The following FGF14 variants were observed in gnomAD, a reference collection of about 807,000 sequenced individuals.
The protein encoded by FGF14 is fibroblast growth factor 14.
FGF14 carries 5 observed loss-of-function variants against 25.5 expected under a neutral mutation model. That is an observed-to-expected ratio of 0.20 (90% CI 0.10 to 0.41). The LOEUF (loss-of-function observed/expected upper bound fraction) is 0.41. FGF14 is among the 10% of genes least tolerant of loss of function. FGF14 has a pLI of 1.00. For missense variants in FGF14, 222 were observed against 320.1 expected, an observed-to-expected ratio of 0.69 and a Z score of 2.34; for synonymous variants, 138 against 118.3, an observed-to-expected ratio of 1.17 and a Z score of -1.08.
At chr13:101,918,318 T>C (rs971033968), upstream of FGF14, among the ~76,000 whole-genome samples, 1 of 152,214 alleles carries the variant, frequency 6.6e-6, no homozygotes, top group Non-Finnish European at 1.5e-5. Flanking sequence ...GGCTCCGGGC[T>C]TCTTACTTTT....
chr13:102,052,898 T>A (rs980148503), intron 1 of FGF14, among the ~76,000 whole-genome samples: 1 of 152,136 alleles, frequency 6.6e-6, no homozygotes, highest in Non-Finnish European at 1.5e-5. Flanking sequence ...ACTGTAATAG[T>A]GGTGTGTACA....
At chr13:101,753,174 T>C (rs2037403429) in intron 3 of FGF14, among the ~76,000 whole-genome samples, 1 of 152,078 alleles carries the variant, frequency 6.6e-6, no homozygotes, top group Non-Finnish European at 1.5e-5. Context: ...TTTAAATATA[T>C]AAGTGATATA....
chr13:102,249,549 G>GGTGTGTGTGTGTGTGTGT (rs55773652), intron 1 of FGF14, among the ~76,000 whole-genome samples: 3 of 150,296 alleles, frequency 2.0e-5, no homozygotes, highest in African/African-American at 7.3e-5. Flanking sequence ...TACTGAGAGG[G>GGTGTGTGTGTGTGTGTGT]GTGTGTGTGT....
chr13:102,140,658 A>C (rs2046608835), intron 1 of FGF14, among the ~76,000 whole-genome samples: 1 of 152,216 alleles, frequency 6.6e-6, no homozygotes, highest in Non-Finnish European at 1.5e-5. Context: ...ATAAAGTAGC[A>C]GAACCTGAAC....
intron 1 of FGF14, among the ~76,000 whole-genome samples, chr13:102,136,895 G>A (rs1254857451): frequency 6.6e-6 from 1 of 152,130 alleles, no homozygotes; most frequent in Non-Finnish European, 1.5e-5. Context: ...TCCCATACTT[G>A]GCTAATGGAC....
At chr13:101,812,649 A>ATT (rs1566931730) in intron 3 of FGF14, among the ~76,000 whole-genome samples, 11 of 8,440 alleles carry the variant, frequency 1.3e-3, no homozygotes, top group Non-Finnish European at 1.8e-3. Flanking sequence ...ATATATATAT[A>ATT]TATATTTTTT....
At position 102,300,083 on chromosome 13, in the gene FGF14, G is replaced by A. The variant is rs558326418; in HGVS notation, c.208+101388C>T. The A allele has an allele frequency of 3.3e-5, 5 of 152,188 alleles. No homozygotes were observed. The Middle Eastern group carries it at 0.017, about 518-fold the overall frequency. The allele number at this position is 152,188 out of a possible 1,614,324, so 9.4% of individuals were successfully genotyped here. ...GTTTTAAAATACACTTCTAGTTTCTGCTACATTCTCATATAATTTAAAATC... is the reference window on the plus strand; with the variant it reads ...GTTTTAAAATACACTTCTAGTTTCTACTACATTCTCATATAATTTAAAATC... On this transcript the variant is annotated intron_variant, in intron 1 of 4. Transcript: ENST00000376131.
At chr13:101,740,654 G>A (rs2036489152) in intron 3 of FGF14, among the ~76,000 whole-genome samples, 1 of 151,404 alleles carries the variant, frequency 6.6e-6, no homozygotes, top group African/African-American at 2.4e-5. Flanking sequence ...TTGCAGTTTT[G>A]TATTCTTGGG....
intron 2 of FGF14, among the ~76,000 whole-genome samples, chr13:101,869,799 C>A (rs959221355): frequency 6.6e-6 from 1 of 152,116 alleles, no homozygotes; most frequent in African/African-American, 2.4e-5. Context: ...TTGCACAAAA[C>A]CAAGTCATTT....
chr13:102,253,182 C>T (rs749864776), intron 1 of FGF14, among the ~76,000 whole-genome samples: 17 of 152,142 alleles, frequency 1.1e-4, no homozygotes, highest in Non-Finnish European at 2.1e-4. Context: ...TGGGTATATA[C>T]GCAGTAATGG....
chr13:101,714,790 C>A lies in FGF14; in HGVS notation c.*8041G>T. 2.0e-6 allele frequency: 1 copy of A among 510,552 alleles called. No individual in the cohort carries two copies. The allele number at this position is 510,552 out of a possible 1,614,324, so 31.6% of individuals were successfully genotyped here. A position where few individuals can be genotyped will look rare whatever the true frequency, so the allele number is the denominator to read the frequency against. On this transcript the variant is annotated 3_prime_UTR_variant, in exon 5 of 5. Coordinates refer to ENST00000376143, the MANE Select transcript of FGF14 (RefSeq NM_004115.4). ...TTTGTGATTATTTGGGATCCTTCCA[C>A]AAAGTAACCTCCCCACCCTCAAACT...
chr13:102,200,913 T>C lies in FGF14; in HGVS notation c.208+200558A>G, dbSNP rs566287888. ...GTCGGGAGATCGAGACCATCTTGGCTAACATGGTGAAACCCCGTCTCTACT... is the reference window on the plus strand; with the variant it reads ...GTCGGGAGATCGAGACCATCTTGGCCAACATGGTGAAACCCCGTCTCTACT... On this transcript the variant is annotated intron_variant, in intron 1 of 4. Transcript: ENST00000376131. Among the ~76,000 whole-genome samples the C allele has an allele frequency of 6.4e-3, 975 of 151,798 alleles. 2 individuals are homozygous for C. The highest frequency in any genetic ancestry group is 0.01 in the Non-Finnish European group (712 of 67,896).
chr13:102,040,929 G>A lies in FGF14; in HGVS notation c.209-165633C>T, dbSNP rs140255904. Among the ~76,000 whole-genome samples the A allele has an allele frequency of 1.4e-3, 213 of 152,024 alleles. 3 individuals carry two copies. The highest frequency in any genetic ancestry group is 5.0e-3 in the African/African-American group (206 of 41,474). On this transcript the variant is annotated intron_variant, in intron 1 of 4. Transcript: ENST00000376131. ...TTAGCTACCATATTTCTTATTCTTG[G>A]TAGTAAAAAATCGCTTACCTAATCA...
chr13:102,388,616 T>G (rs1470127699), intron 1 of FGF14, among the ~76,000 whole-genome samples: 3 of 152,208 alleles, frequency 2.0e-5, no homozygotes, highest in Non-Finnish European at 4.4e-5. Flanking sequence ...CCTTCCTAAT[T>G]ACTGAGCAAT....
At chr13:102,307,078 G>A (rs1361177866) in intron 1 of FGF14, among the ~76,000 whole-genome samples, 1 of 152,044 alleles carries the variant, frequency 6.6e-6, no homozygotes, top group Non-Finnish European at 1.5e-5. Flanking sequence ...CCCAGCTGTG[G>A]TCAAAGAGAT....
chr13:102,146,432 T>C (rs952966612), intron 1 of FGF14, among the ~76,000 whole-genome samples: 2 of 152,236 alleles, frequency 1.3e-5, no homozygotes, highest in African/African-American at 4.8e-5. Flanking sequence ...ATGTTTGACA[T>C]GTGCAAGAGA....
At chr13:102,323,185 T>C (rs1333368024) in intron 1 of FGF14, among the ~76,000 whole-genome samples, 1 of 152,192 alleles carries the variant, frequency 6.6e-6, no homozygotes, top group Non-Finnish European at 1.5e-5. Context: ...ATTTGACACA[T>C]CGCAGTATAT....
chr13:102,102,719 T>C (rs993162704), intron 1 of FGF14, among the ~76,000 whole-genome samples: 3 of 152,198 alleles, frequency 2.0e-5, no homozygotes, highest in Non-Finnish European at 4.4e-5. Context: ...TCATATGCAT[T>C]TTTCATGGTA....
chr13:101,720,552 GTGTGTGTGTGTGTATA>G lies in FGF14; in HGVS notation c.*2263_*2278del, dbSNP rs1166741283. The G allele has an allele frequency of 1.3e-5, 2 of 151,330 alleles. No homozygotes were observed. Among genetic ancestry groups the G allele is most frequent in the East Asian group, 2.0e-4 (1 of 5,090 alleles). The allele number at this position is 151,330 out of a possible 1,614,324, so 9.4% of individuals were successfully genotyped here. ...GCTCTGTGTGTGTGTGTGTGTGTGT[GTGTGTGTGTGTGTATA>G]TGTGTGTGTTTGTGTGAAGTGAAGT... On this transcript the variant is annotated 3_prime_UTR_variant, in exon 5 of 5. Transcript: ENST00000376143.
Sources: allele counts gnomAD v4.1 joint callset (sites outside exome capture counted in the v4.1 genomes callset), GRCh38; gene constraint gnomAD v4.1.1; transcripts MANE v1.5; gene names NCBI Gene and HGNC (gene_info 2026-07-23, HGNC 2026-07-21).